The following PCDHGA8 variants were observed in gnomAD, a reference collection of about 807,000 sequenced individuals.
PCDHGA8 encodes protocadherin gamma subfamily A, 8, also known as protocadherin gamma-A8.
PCDHGA8 carries 45 observed loss-of-function variants against 59.2 expected under a neutral mutation model. The observed-to-expected ratio is 0.76, with a 90% CI of 0.60 to 0.98. PCDHGA8 has a LOEUF of 0.98. PCDHGA8 is among the 50% of genes least tolerant of loss of function. The pLI is 0.00. For synonymous variants in PCDHGA8, 531 were observed against 519.0 expected, an observed-to-expected ratio of 1.02 and a Z score of -0.32; for missense variants, 1,257 against 1,196.2, an observed-to-expected ratio of 1.05 and a Z score of -0.75.
At chr5:141,419,109 A>T in intron 1 of PCDHGA8, 1 of 1,613,940 alleles carries the variant, frequency 6.2e-7, no homozygotes, top group Non-Finnish European at 8.5e-7. Flanking sequence ...CAGACCCCAG[A>T]GTACAACGTC....
At chr5:141,411,059 C>T (rs1384816111) in intron 1 of PCDHGA8, 1 of 156,328 alleles carries the variant, frequency 6.4e-6, no homozygotes, top group African/African-American at 2.4e-5. Context: ...ACTATGTCGA[C>T]CAGGCTGTTC....
At chr5:141,509,334 G>A (rs1184232270) in intron 3 of PCDHGA8, among the ~76,000 whole-genome samples, 1 of 152,186 alleles carries the variant, frequency 6.6e-6, no homozygotes, top group Non-Finnish European at 1.5e-5. Flanking sequence ...ACTGCCAGCT[G>A]GGCCTGGGCT....
At position 141,491,070 on chromosome 5, in the gene PCDHGA8, G is replaced by T. The variant is rs1405880268; in HGVS notation, c.2425-3737G>T. On this transcript the variant is annotated intron_variant, in intron 1 of 3. Transcript: ENST00000398604. The surrounding 1 kb of genome is among the most constrained non-coding windows in gnomAD (Gnocchi z 6.9). ...ATGCGTGGCTCTCCTACTCACTGTTGCCACAGTCCACAGCCCCAGGACTGT... is the reference window on the plus strand; with the variant it reads ...ATGCGTGGCTCTCCTACTCACTGTTTCCACAGTCCACAGCCCCAGGACTGT... 6.2e-7 allele frequency: 1 copy of T among 1,614,162 alleles called. No homozygotes were observed. Among genetic ancestry groups the T allele is most frequent in the Non-Finnish European group, 8.5e-7 (1 of 1,180,038 alleles).
chr5:141,472,316 C>T (rs1456055286), intron 1 of PCDHGA8, among the ~76,000 whole-genome samples: 6 of 151,940 alleles, frequency 3.9e-5, no homozygotes, highest in Non-Finnish European at 8.8e-5. Context: ...CCGAGGCAGG[C>T]AGATCACGAG....
intron 1 of PCDHGA8, among the ~76,000 whole-genome samples, chr5:141,401,282 C>G (rs963741934): frequency 4.0e-5 from 6 of 151,884 alleles, no homozygotes; most frequent in African/African-American, 1.5e-4. Context: ...GTGGAGGTTG[C>G]GGTGAGCCGA....
chr5:141,460,792 A>T (rs1028557260), intron 1 of PCDHGA8, among the ~76,000 whole-genome samples: 30 of 152,012 alleles, frequency 2.0e-4, no homozygotes, highest in Non-Finnish European at 2.9e-5. Context: ...ATATACACAC[A>T]AAGTATATAT....
chr5:141,448,763 A>AC (rs1372638258), intron 1 of PCDHGA8, among the ~76,000 whole-genome samples: 11 of 151,572 alleles, frequency 7.3e-5, no homozygotes, highest in Admixed American at 5.3e-4. Flanking sequence ...ACACGGTGAA[A>AC]CCCCGTCTGT....
chr5:141,451,443 C>A (rs1184838490), intron 1 of PCDHGA8, among the ~76,000 whole-genome samples: 1 of 152,176 alleles, frequency 6.6e-6, no homozygotes, highest in Non-Finnish European at 1.5e-5. Context: ...CAGTTCCTTG[C>A]TGGTTGTTAG....
At chr5:141,449,137 A>C (rs1257120647) in intron 1 of PCDHGA8, among the ~76,000 whole-genome samples, 1 of 152,176 alleles carries the variant, frequency 6.6e-6, no homozygotes, top group Non-Finnish European at 1.5e-5. Context: ...AATGGAATTG[A>C]AATTGCTGGG....
At chr5:141,403,662 A>T in intron 1 of PCDHGA8, 1 of 1,613,902 alleles carries the variant, frequency 6.2e-7, no homozygotes, top group Non-Finnish European at 8.5e-7. Context: ...GATACAAATG[A>T]TAATGCCCCG....
rs1024041994 is a variant in PCDHGA8 at position 141,409,578 on chromosome 5, T to C, written c.2424+14341T>C. The C allele has an allele frequency of 3.1e-6, 5 of 1,613,824 alleles. No individual in the cohort carries two copies. In the Admixed American group the frequency reaches 6.7e-5, roughly 22 times the overall value. On this transcript the variant is annotated intron_variant, in intron 1 of 3. Coordinates refer to ENST00000398604, the MANE Select transcript of PCDHGA8 (RefSeq NM_032088.2). Reference sequence around the variant, plus strand: ...GTTTTCGACCAGACGTCCTACGTGGTCCACGTGGCCGAGAACAACCCGCCA... The same window carrying C: ...GTTTTCGACCAGACGTCCTACGTGGCCCACGTGGCCGAGAACAACCCGCCA...
chr5:141,415,502 A>T, intron 1 of PCDHGA8: 1 of 1,614,204 alleles, frequency 6.2e-7, no homozygotes, highest in African/African-American at 1.3e-5. Flanking sequence ...ATCTTCCCCC[A>T]GCCCAATTAT....
chr5:141,395,542 T>TTGTTTGTGTGTGTG (rs1267535064), intron 1 of PCDHGA8: 1 of 168,708 alleles, frequency 5.9e-6, no homozygotes, highest in African/African-American at 5.7e-5. Flanking sequence ...TTGCTATTGT[T>TTGTTTGTGTGTGTG]TGTGTGTGTG....
At chr5:141,484,789 A>T (rs1215899787) in intron 1 of PCDHGA8, among the ~76,000 whole-genome samples, 1 of 152,132 alleles carries the variant, frequency 6.6e-6, no homozygotes, top group Non-Finnish European at 1.5e-5. Flanking sequence ...CCACAGAGAT[A>T]ACAACCCGTG....
intron 1 of PCDHGA8, chr5:141,441,758 C>T: frequency 2.6e-6 from 1 of 382,050 alleles, no homozygotes. Context: ...TCAACGTGAG[C>T]CTGCGCGTGT....
chr5:141,398,689 G>A (rs6867460), intron 1 of PCDHGA8: 228,699 of 1,613,720 alleles, frequency 0.14, 18,438 homozygotes, highest in African/African-American at 0.32. Context: ...GAAACAGGAT[G>A]GTAGTAAATA....
chr5:141,433,389 A>G (rs1157605590), intron 1 of PCDHGA8, among the ~76,000 whole-genome samples: 2 of 151,108 alleles, frequency 1.3e-5, no homozygotes, highest in African/African-American at 2.4e-5. Context: ...CTATCTATCT[A>G]TCTATCTATC....
rs534304763 is a variant in PCDHGA8 at position 141,394,533 on chromosome 5, G to T, written c.1720G>T (p.Gly574Cys). 2 of 1,614,092 alleles carry T rather than the reference G, an allele frequency of 1.2e-6. No individual in the cohort carries two copies. The highest frequency in any genetic ancestry group is 3.3e-5 in the Admixed American group (2 of 60,014). The change falls in exon 1 of 4, where the codon GGC becomes TGC. Residue 574 changes from glycine to cysteine, a missense_variant. Transcript: ENST00000398604. ...YPALPTDGST[G>C]VELAPRSAER... Reference sequence around the variant, plus strand: ...CGCCCTCCCCACAGACGGTTCCACTGGCGTGGAGCTGGCGCCCCGCTCCGC... The same window carrying T: ...CGCCCTCCCCACAGACGGTTCCACTTGCGTGGAGCTGGCGCCCCGCTCCGC...
intron 1 of PCDHGA8, chr5:141,427,316 C>G: frequency 2.2e-6 from 1 of 457,002 alleles, no homozygotes; most frequent in Non-Finnish European, 4.4e-6. Context: ...ATGCCCCAGA[C>G]GTGGTTTTTA....
Sources: allele counts gnomAD v4.1 joint callset (sites outside exome capture counted in the v4.1 genomes callset), GRCh38; gene constraint gnomAD v4.1.1; non-coding constraint Gnocchi (gnomAD v3.1); transcripts MANE v1.5; gene names NCBI Gene and HGNC (gene_info 2026-07-23, HGNC 2026-07-21).